Variants in GOLM1 observed in about 807,000 individuals in gnomAD.
GOLM1 encodes the protein epididymis luminal protein 46.
GOLM1 carries 31 observed loss-of-function variants against 50.5 expected under a neutral mutation model. That is an observed-to-expected ratio of 0.61 (90% CI 0.46 to 0.83). The LOEUF (loss-of-function observed/expected upper bound fraction) is 0.83, where lower values mean the gene tolerates loss of function less well. Among genes scored for constraint, GOLM1 ranks in the 40% least tolerant of loss-of-function variants. GOLM1 has a pLI of 0.00. For synonymous variants in GOLM1, 178 were observed against 192.8 expected (o/e 0.92, Z 0.64); for missense variants, 491 against 501.3 (o/e 0.98, Z 0.20).
chr9:86,032,854 T>C (rs1437760098), intron 9 of GOLM1, among the ~76,000 whole-genome samples: 3 of 152,184 alleles, frequency 2.0e-5, no homozygotes, highest in African/African-American at 7.2e-5. Context: ...TTCTACAAGA[T>C]ACTGGCCTGG....
At chr9:86,052,445 T>C in intron 4 of GOLM1, 92 bp downstream of exon 4, 1 of 1,038,292 alleles carries the variant, frequency 9.6e-7, no homozygotes, top group Non-Finnish European at 1.5e-6. Flanking sequence ...CATGAGATTA[T>C]AATGGAGACC....
rs963538641 is a variant in GOLM1, at chr9:86,026,590, G to A, written c.*1227C>T. The A allele has an allele frequency of 1.1e-5, 11 of 969,656 alleles. No homozygotes were observed. The highest frequency in any genetic ancestry group is 1.2e-5 in the Non-Finnish European group (10 of 815,660). 60.1% of individuals were successfully genotyped at this position (969,656 alleles called of 1,614,324 possible). A position where few individuals can be genotyped will look rare whatever the true frequency, so the allele number is the denominator to read the frequency against. On this transcript the variant is annotated 3_prime_UTR_variant, in exon 10 of 10. Coordinates refer to ENST00000388712, the MANE Select transcript of GOLM1 (RefSeq NM_016548.4). ...CTGGGGCCTTAGCATCTCAAATCCT[G>A]TGGATCCTCCTACTTACCCCTTAGA...
At chr9:86,093,101 G>A (rs904888103) in intron 1 of GOLM1, among the ~76,000 whole-genome samples, 2 of 152,098 alleles carry the variant, frequency 1.3e-5, no homozygotes, top group African/African-American at 4.8e-5. Flanking sequence ...GATAGGCTGG[G>A]TGTACACAGT....
chr9:86,046,723 C>G, intron 4 of GOLM1, 151 bp from the exon 5 acceptor site: 1 of 645,858 alleles, frequency 1.5e-6, no homozygotes. Flanking sequence ...GCTGAAAACA[C>G]AGTCCCTCCC....
chr9:86,033,995 C>G (rs1833060586), intron 8 of GOLM1, among the ~76,000 whole-genome samples: 1 of 147,556 alleles, frequency 6.8e-6, no homozygotes, highest in Admixed American at 6.8e-5. Flanking sequence ...GATGGAGTCT[C>G]ACTCTGTCGC....
At chr9:86,048,250 C>T (rs937996747) in intron 4 of GOLM1, among the ~76,000 whole-genome samples, 2 of 152,146 alleles carry the variant, frequency 1.3e-5, no homozygotes, top group Admixed American at 6.5e-5. Flanking sequence ...ATATGTGCCA[C>T]ATTTTCTTAA....
At chr9:86,052,037 A>G (rs1156543104) in intron 4 of GOLM1, among the ~76,000 whole-genome samples, 1 of 152,096 alleles carries the variant, frequency 6.6e-6, no homozygotes, top group East Asian at 1.9e-4. Context: ...TCACAGTGGA[A>G]GGAGCCCCCG....
At chr9:86,043,651 G>A (rs969068746) in intron 5 of GOLM1, among the ~76,000 whole-genome samples, 3 of 152,096 alleles carry the variant, frequency 2.0e-5, no homozygotes, top group Non-Finnish European at 4.4e-5. Context: ...TCTGGTACAC[G>A]GCCTTGGGCA....
At position 86,027,294 on chromosome 9, in the gene GOLM1, G is replaced by A. The variant is rs1009039848; in HGVS notation, c.*523C>T. On this transcript the variant is annotated 3_prime_UTR_variant, in exon 10 of 10. Coordinates refer to ENST00000388712, the MANE Select transcript of GOLM1 (RefSeq NM_016548.4). ...AGTGACGTTTGTGTTAACAGTCAGT[G>A]CTCTAGGCCATTGATTGATTGATTG... The A allele has an allele frequency of 5.1e-6, 5 of 985,434 alleles. No homozygotes were observed. In the African/African-American group the frequency reaches 7.0e-5, roughly 14 times the overall value. The allele number at this position is 985,434 out of a possible 1,614,324, so 61.0% of individuals were successfully genotyped here. A position where few individuals can be genotyped will look rare whatever the true frequency, so the allele number is the denominator to read the frequency against.
At chr9:86,080,504 G>T (rs1443252709) in intron 1 of GOLM1, among the ~76,000 whole-genome samples, 1 of 152,126 alleles carries the variant, frequency 6.6e-6, no homozygotes, top group East Asian at 1.9e-4. Flanking sequence ...ACAAGGGACG[G>T]GTAAGGAAGA....
chr9:86,057,736 G>A (rs763373966), intron 3 of GOLM1, among the ~76,000 whole-genome samples: 5 of 152,196 alleles, frequency 3.3e-5, no homozygotes, highest in African/African-American at 9.7e-5. Context: ...GGGGCAGTGC[G>A]CACCCCACAG....
intron 5 of GOLM1, among the ~76,000 whole-genome samples, chr9:86,042,573 G>A (rs910177946): frequency 1.3e-5 from 2 of 152,176 alleles, no homozygotes; most frequent in African/African-American, 2.4e-5. Flanking sequence ...CAGATCAGGT[G>A]AAAATTTCAT....
intron 6 of GOLM1, among the ~76,000 whole-genome samples, chr9:86,039,383 A>C (rs150785464): frequency 6.6e-6 from 1 of 152,316 alleles, no homozygotes; most frequent in African/African-American, 2.4e-5. Flanking sequence ...ACTTTGGAAG[A>C]AGTCTGGGAG....
chr9:86,082,320 C>A (rs1746015217), intron 1 of GOLM1, among the ~76,000 whole-genome samples: 1 of 151,924 alleles, frequency 6.6e-6, no homozygotes, highest in South Asian at 2.1e-4. Context: ...GCCACCGTGC[C>A]CAGCCTGACA....
At chr9:86,030,218 C>CAAAAA (rs35215928) in intron 9 of GOLM1, among the ~76,000 whole-genome samples, 184 of 73,328 alleles carry the variant, frequency 2.5e-3, no homozygotes, top group Middle Eastern at 8.5e-3. Context: ...GACTCTGTCT[C>CAAAAA]AAAAAAAAAA....
intron 8 of GOLM1, among the ~76,000 whole-genome samples, chr9:86,034,753 G>T (rs1218151551): frequency 1.3e-5 from 2 of 152,316 alleles, no homozygotes; most frequent in South Asian, 2.1e-4. Flanking sequence ...GAGCGCAGGT[G>T]TCATGTCCTC....
intron 6 of GOLM1, among the ~76,000 whole-genome samples, chr9:86,038,889 C>A (rs529154807): frequency 3.3e-5 from 5 of 151,960 alleles, no homozygotes; most frequent in African/African-American, 1.2e-4. Context: ...TTGGGTCAGG[C>A]AAAGTGTTAC....
chr9:86,098,214 A>G (rs1385434179), intron 1 of GOLM1, among the ~76,000 whole-genome samples: 1 of 152,184 alleles, frequency 6.6e-6, no homozygotes, highest in African/African-American at 2.4e-5. Context: ...GCCTAAAAAC[A>G]GTAAGTCTTA....
In GOLM1 at chr9:86,064,845, A is replaced by G. The variant is rs1834261892; in HGVS notation, c.310-12254T>C. ...GGGGATGCAGCAGATCGGCTCCTCC[A>G]CGTCGGTTCCACACGCCTTTTGCTG... is the stretch of plus-strand genomic sequence containing the variant. On this transcript the variant is annotated intron_variant, in intron 3 of 9. Transcript: ENST00000388712. Among the ~76,000 whole-genome samples, 3 of 152,062 alleles carry G rather than the reference A, an allele frequency of 2.0e-5. No individual in the cohort carries two copies. The South Asian group carries it at 6.2e-4, about 31-fold the overall frequency.
Sources: gnomAD v4.1 joint callset for allele counts (sites outside exome capture counted in the v4.1 genomes callset) on GRCh38, gnomAD v4.1.1 for gene constraint, MANE v1.5 for transcripts, NCBI Gene and HGNC (gene_info 2026-07-23, HGNC 2026-07-21) for gene names.